The following ENOX1 variants were observed in gnomAD, a reference collection of about 807,000 sequenced individuals.
The protein encoded by ENOX1 is candidate growth-related and time keeping constitutive hydroquinone (NADH) oxidase.
In ENOX1, 42 loss-of-function variants were observed where a neutral mutation model predicts 82.5. The ratio of observed to expected loss-of-function variants is 0.51; its 90% CI spans 0.40 to 0.66. The LOEUF is 0.66. Ranked by LOEUF, ENOX1 falls within the 30% of genes least tolerant of loss-of-function variation. The pLI is 0.00. For missense variants in ENOX1, 608 were observed against 811.6 expected, an observed-to-expected ratio of 0.75 and a Z score of 3.05; for synonymous variants, 271 against 282.2, an observed-to-expected ratio of 0.96 and a Z score of 0.40.
chr13:43,673,135 T>C (rs1429333618), intron 1 of ENOX1, among the ~76,000 whole-genome samples: 1 of 151,676 alleles, frequency 6.6e-6, no homozygotes, highest in African/African-American at 2.4e-5. Context: ...AGCAGGTTTT[T>C]AAAAACCTGC....
At chr13:43,370,381 ATCT>A (rs1484796317) in intron 5 of ENOX1, among the ~76,000 whole-genome samples, 1 of 152,004 alleles carries the variant, frequency 6.6e-6, no homozygotes, top group Non-Finnish European at 1.5e-5. Context: ...AAAAAAAAAA[ATCT>A]TCTTAAGCAA....
intron 15 of ENOX1, among the ~76,000 whole-genome samples, chr13:43,226,117 C>G (rs181579782): frequency 3.8e-4 from 58 of 152,174 alleles, no homozygotes; most frequent in African/African-American, 1.4e-3. Context: ...ACAGCTACTT[C>G]CCTGTAACTG....
At chr13:43,535,233 C>A (rs2078406184) in intron 2 of ENOX1, among the ~76,000 whole-genome samples, 1 of 152,120 alleles carries the variant, frequency 6.6e-6, no homozygotes, top group African/African-American at 2.4e-5. Flanking sequence ...CTACTAGGTG[C>A]CTGACACTAT....
At chr13:43,423,493 T>C (rs1382549646) in intron 3 of ENOX1, among the ~76,000 whole-genome samples, 1 of 152,000 alleles carries the variant, frequency 6.6e-6, no homozygotes, top group Non-Finnish European at 1.5e-5. Flanking sequence ...AAAACCTGAG[T>C]TTATCAATTC....
At chr13:43,529,655 T>G (rs2078128031) in intron 2 of ENOX1, among the ~76,000 whole-genome samples, 1 of 152,030 alleles carries the variant, frequency 6.6e-6, no homozygotes, top group Non-Finnish European at 1.5e-5. Flanking sequence ...TGTACAGAAA[T>G]GAGTTCCAAT....
intron 16 of ENOX1, among the ~76,000 whole-genome samples, chr13:43,221,131 C>T (rs1476737886): frequency 6.6e-6 from 1 of 152,182 alleles, no homozygotes; most frequent in Non-Finnish European, 1.5e-5. Context: ...GCCTCTGTGG[C>T]CACATTACGC....
At chr13:43,555,715 G>C (rs1000686409) in intron 2 of ENOX1, among the ~76,000 whole-genome samples, 11 of 152,132 alleles carry the variant, frequency 7.2e-5, no homozygotes, top group African/African-American at 2.7e-4. Flanking sequence ...CCCAATTCAT[G>C]TACAATGGAA....
chr13:43,463,868 T>C (rs1409583949), intron 3 of ENOX1, among the ~76,000 whole-genome samples: 1 of 152,220 alleles, frequency 6.6e-6, no homozygotes, highest in Non-Finnish European at 1.5e-5. Flanking sequence ...TTCAATAAAA[T>C]TGCTACTCTT....
At chr13:43,392,404 T>TA (rs1208419753) in intron 5 of ENOX1, among the ~76,000 whole-genome samples, 1 of 152,100 alleles carries the variant, frequency 6.6e-6, no homozygotes, top group Non-Finnish European at 1.5e-5. Context: ...TGAGGCCGGG[T>TA]GCACTGGCTC....
intron 2 of ENOX1, among the ~76,000 whole-genome samples, chr13:43,541,103 T>C (rs1021048127): frequency 1.3e-5 from 2 of 150,850 alleles, no homozygotes; most frequent in African/African-American, 4.9e-5. Flanking sequence ...TCTTTAATAT[T>C]TACAAATATC....
intron 9 of ENOX1, among the ~76,000 whole-genome samples, chr13:43,334,353 T>C (rs974525403): frequency 2.6e-5 from 4 of 152,240 alleles, no homozygotes; most frequent in Non-Finnish European, 5.9e-5. Flanking sequence ...CATGTATTTA[T>C]ACCCATTATA....
intron 12 of ENOX1, among the ~76,000 whole-genome samples, chr13:43,294,910 T>G (rs1406125579): frequency 6.6e-6 from 1 of 152,108 alleles, no homozygotes; most frequent in Non-Finnish European, 1.5e-5. Context: ...TATATGATAT[T>G]CTGGAAAAAT....
chr13:43,534,308 T>C (rs9533520), intron 2 of ENOX1, among the ~76,000 whole-genome samples: 84,913 of 151,840 alleles, frequency 0.56, 24,159 homozygotes, highest in East Asian at 0.83. Flanking sequence ...TGCTGGCAAC[T>C]GCTGAGTTAA....
In ENOX1 at chr13:43,772,402, T is replaced by C. The variant is rs567026797; in HGVS notation, c.-285+14250A>G. 9.2e-5 allele frequency among the ~76,000 whole-genome samples: 14 copies of C among 152,180 alleles called. No individual in the cohort carries two copies. In the East Asian group the frequency reaches 2.5e-3, roughly 27 times the overall value. ...TTACAAGCATGCACTAGGTTATCCATTTGTCTATTCTGTGTCTGATTGTAA... is the reference window on the plus strand; with the variant it reads ...TTACAAGCATGCACTAGGTTATCCACTTGTCTATTCTGTGTCTGATTGTAA... On this transcript the variant is annotated intron_variant, in intron 1 of 16. Coordinates refer to ENST00000690772, the MANE Select transcript of ENOX1 (RefSeq NM_001347969.2).
intron 11 of ENOX1, among the ~76,000 whole-genome samples, chr13:43,303,093 C>T (rs1207488481): frequency 6.6e-6 from 1 of 152,232 alleles, no homozygotes; most frequent in African/African-American, 2.4e-5. Context: ...TGGAAGGACG[C>T]TGCTGAACTG....
At chr13:43,298,138 A>G (rs1566451298) in intron 12 of ENOX1, among the ~76,000 whole-genome samples, 1 of 151,924 alleles carries the variant, frequency 6.6e-6, no homozygotes. Context: ...CTCCAGGGTG[A>G]TTTCTTCAAC....
intron 3 of ENOX1, among the ~76,000 whole-genome samples, chr13:43,424,184 C>A (rs1163071868): frequency 6.6e-6 from 1 of 152,238 alleles, no homozygotes; most frequent in African/African-American, 2.4e-5. Flanking sequence ...CACTGATACA[C>A]AGAAAGCAAT....
intron 1 of ENOX1, among the ~76,000 whole-genome samples, chr13:43,764,003 C>T (rs557696924): frequency 2.0e-4 from 31 of 152,208 alleles, no homozygotes; most frequent in Non-Finnish European, 8.8e-5. Flanking sequence ...GATTCCATGG[C>T]TTTTCACAAC....
chr13:43,464,176 C>T (rs1489418436), intron 3 of ENOX1, among the ~76,000 whole-genome samples: 1 of 151,962 alleles, frequency 6.6e-6, no homozygotes, highest in Non-Finnish European at 1.5e-5. Flanking sequence ...GAATGGTCTT[C>T]CAAGCTGAAA....
Sources: allele counts gnomAD v4.1 joint callset (sites outside exome capture counted in the v4.1 genomes callset), GRCh38; gene constraint gnomAD v4.1.1; transcripts MANE v1.5; gene names NCBI Gene and HGNC (gene_info 2026-07-23, HGNC 2026-07-21).